TCN1: variants seen among roughly 807,000 people sequenced by gnomAD.
TCN1 encodes the protein transcobalamin-1.
Under a neutral mutation model 46.3 loss-of-function variants are expected in TCN1, and 47 were observed. That is an observed-to-expected ratio of 1.01 (90% CI 0.80 to 1.29). The LOEUF is 1.29. TCN1 is among the 50% of genes most tolerant of loss of function. The pLI, the probability that TCN1 is intolerant of heterozygous loss-of-function variation, is 0.00. For synonymous variants in TCN1, 183 were observed against 192.5 expected (o/e 0.95, Z 0.41); for missense variants, 532 against 511.0 (o/e 1.04, Z -0.40).
chr11:59,860,861 TA>T (rs1204229073), intron 4 of TCN1, among the ~76,000 whole-genome samples: 1 of 152,222 alleles, frequency 6.6e-6, no homozygotes, highest in Non-Finnish European at 1.5e-5. Flanking sequence ...TTCTCCTTAC[TA>T]TCCAGAAATA....
At position 59,866,480 on chromosome 11, in the gene TCN1, A is replaced by C; in HGVS notation, c.-10T>G. 6.2e-7 allele frequency: 1 copy of C among 1,612,978 alleles called. No homozygotes were observed. The highest frequency in any genetic ancestry group is 1.7e-4 in the Middle Eastern group (1 of 6,056). On this transcript the variant is annotated 5_prime_UTR_variant, in exon 1 of 9. Transcript: ENST00000257264. Reference sequence around the variant, plus strand: ...GGTGTGACTGTCTCATCTCTCCAACAGTGTACCAGAATGTTGATGAATTGG... The same window carrying C: ...GGTGTGACTGTCTCATCTCTCCAACCGTGTACCAGAATGTTGATGAATTGG...
chr11:59,864,755 G>A (rs528090437), intron 1 of TCN1, among the ~76,000 whole-genome samples: 3 of 152,270 alleles, frequency 2.0e-5, no homozygotes, highest in Non-Finnish European at 4.4e-5. Flanking sequence ...AGCTCCCAAG[G>A]AAATAGAGGA....
chr11:59,861,746 C>G, intron 3 of TCN1, 64 bp from the exon 4 acceptor site: 1 of 1,536,074 alleles, frequency 6.5e-7, no homozygotes, highest in Non-Finnish European at 9.0e-7. Context: ...CATTTTCCAT[C>G]TATTCCTACT....
intron 5 of TCN1, 86 bp downstream of exon 5, chr11:59,858,991 C>A: frequency 6.8e-7 from 1 of 1,469,442 alleles, no homozygotes; most frequent in South Asian, 1.1e-5. Flanking sequence ...GCAACAAGAG[C>A]GAAGCTCCAT....
Position 59,854,771 on chromosome 11 carries a change from G to T in TCN1, c.1002C>A (p.Ile334=). The T allele has an allele frequency of 6.2e-7, 1 of 1,614,028 alleles. No individual in the cohort carries two copies. The highest frequency in any genetic ancestry group is 8.5e-7 in the Non-Finnish European group (1 of 1,179,922). Reference sequence around the variant, plus strand: ...TGATTCTCACAGAGTAATTGACGGAGATATATGATTGTGAGTCAGGAGGTG... The same window carrying T: ...TGATTCTCACAGAGTAATTGACGGATATATATGATTGTGAGTCAGGAGGTG... ...TVTPPDSQSY[I]SVNYSVRINE... Residue 334 remains isoleucine (I), a synonymous_variant, in exon 7 of 9, where the codon ATC becomes ATA. Transcript: ENST00000257264.
chr11:59,858,214 C>T (rs191093609), intron 5 of TCN1, among the ~76,000 whole-genome samples: 1 of 152,202 alleles, frequency 6.6e-6, no homozygotes, highest in Non-Finnish European at 1.5e-5. Context: ...GATCTGATAA[C>T]CGGCTACTAA....
At chr11:59,854,615 A>G (rs1191006165) in intron 7 of TCN1, 37 bp downstream of exon 7, 3 of 1,601,980 alleles carry the variant, frequency 1.9e-6, no homozygotes, top group East Asian at 2.2e-5. Flanking sequence ...TAGAAATGAC[A>G]GCAAACATCT....
intron 3 of TCN1, among the ~76,000 whole-genome samples, chr11:59,862,190 T>C (rs1853021399): frequency 6.6e-6 from 1 of 152,232 alleles, no homozygotes; most frequent in Non-Finnish European, 1.5e-5. Flanking sequence ...TTAGCTCATA[T>C]ACTAGCATTG....
At position 59,852,911 on chromosome 11, in the gene TCN1, A is replaced by G. The variant is rs1455146081; in HGVS notation, c.*64T>C. ...TGGGATAAATGAAGAAGAAGGCATA[A>G]GGACAATAAACATGGAACTCCACTG... On this transcript the variant is annotated 3_prime_UTR_variant, in exon 9 of 9. Transcript: ENST00000257264. The G allele has an allele frequency of 7.0e-7, 1 of 1,431,358 alleles. No individual in the cohort carries two copies. The highest frequency in any genetic ancestry group is 1.1e-5 in the South Asian group (1 of 87,366). 88.7% of individuals were successfully genotyped at this position (1,431,358 alleles called of 1,614,324 possible).
chr11:59,855,382 A>T (rs886523005), intron 6 of TCN1, among the ~76,000 whole-genome samples: 3 of 152,188 alleles, frequency 2.0e-5, no homozygotes, highest in African/African-American at 7.2e-5. Flanking sequence ...GAATGGACAG[A>T]GATATAAGAC....
At chr11:59,865,653 A>G (rs1853065047) in intron 1 of TCN1, among the ~76,000 whole-genome samples, 1 of 152,190 alleles carries the variant, frequency 6.6e-6, no homozygotes, top group Non-Finnish European at 1.5e-5. Context: ...ACCAGACTTC[A>G]TGAGATAATT....
chr11:59,856,085 G>GGGGGGGT, intron 5 of TCN1, 27 bp from the exon 6 acceptor site: 13 of 585,324 alleles, frequency 2.2e-5, no homozygotes, highest in Middle Eastern at 3.4e-4. Context: ...GGGTGGGGGG[G>GGGGGGGT]TGATGAGAGA....
At chr11:59,859,292 A>T (rs1852989912) in intron 4 of TCN1, 25 bp from the exon 5 acceptor site, 1 of 1,610,592 alleles carries the variant, frequency 6.2e-7, no homozygotes, top group Non-Finnish European at 8.5e-7. Context: ...AACATTGTTG[A>T]TAGGCGACCA....
At chr11:59,863,432 A>T (rs1311115006) in intron 2 of TCN1, among the ~76,000 whole-genome samples, 3 of 152,184 alleles carry the variant, frequency 2.0e-5, no homozygotes, top group Non-Finnish European at 4.4e-5. Flanking sequence ...GATTCTCATA[A>T]TTCTTATAAT....
chr11:59,857,278 C>A (rs570173714), intron 5 of TCN1, among the ~76,000 whole-genome samples: 7 of 152,130 alleles, frequency 4.6e-5, no homozygotes, highest in Non-Finnish European at 8.8e-5. Flanking sequence ...CCAGGCTCCA[C>A]CTCTAAATTT....
Position 59,853,102 on chromosome 11 carries a change from G to A in TCN1, c.1241-66C>T, listed in dbSNP as rs1402573376. On this transcript the variant is annotated intron_variant, in intron 8 of 8. Transcript: ENST00000257264. ...GCCACTAAATCACCAAATAATGGAT[G>A]TCATCTCTACTAACCCCTTGGCCCA... 5.6e-6 allele frequency: 9 copies of A among 1,598,438 alleles called. No homozygotes were observed. The Admixed American group carries it at 6.7e-5, about 12-fold the overall frequency.
At chr11:59,865,113 A>T (rs1414039924) in intron 1 of TCN1, among the ~76,000 whole-genome samples, 1 of 152,190 alleles carries the variant, frequency 6.6e-6, no homozygotes. Context: ...TTATCACTAT[A>T]CTTGAGAATC....
Position 59,859,135 on chromosome 11 carries a change from G to C in TCN1, c.689C>G (p.Ser230Cys). Residue 230 changes from serine (S) to cysteine (C), a missense_variant, in exon 5 of 9, where the codon TCT (serine) becomes TGT (cysteine). Coordinates refer to ENST00000257264, the MANE Select transcript of TCN1 (RefSeq NM_001062.4). Reference protein sequence around the residue: ...YTKSLVEKILSEKKENGLIGN... With the variant: ...YTKSLVEKILCEKKENGLIGN... ...AATGAGACCATTTTCTTTTTTCTCA[G>C]ACAGAATCTTTTCTACCAGTGACTT... 6.2e-7 allele frequency: 1 copy of C among 1,613,830 alleles called. No individual in the cohort carries two copies. The highest frequency in any genetic ancestry group is 8.5e-7 in the Non-Finnish European group (1 of 1,180,006).
chr11:59,866,340 A>G, intron 1 of TCN1, 52 bp downstream of exon 1: 1 of 1,563,654 alleles, frequency 6.4e-7, no homozygotes, highest in Non-Finnish European at 8.8e-7. Flanking sequence ...TCTTGTCAAC[A>G]GTTTTCAGTA....
Sources: allele counts gnomAD v4.1 joint callset (sites outside exome capture counted in the v4.1 genomes callset), GRCh38; gene constraint gnomAD v4.1.1; transcripts MANE v1.5; gene names NCBI Gene and HGNC (gene_info 2026-07-23, HGNC 2026-07-21).